WDPCP: variants seen among roughly 807,000 people sequenced by gnomAD.
WDPCP encodes WD repeat containing planar cell polarity effector, also known as WD repeat-containing and planar cell polarity effector protein fritz homolog.
In WDPCP, 71 loss-of-function variants were observed where a neutral mutation model predicts 93.1. The observed-to-expected ratio is 0.76, with a 90% CI of 0.63 to 0.93. The LOEUF (loss-of-function observed/expected upper bound fraction) is 0.93, where lower values mean the gene tolerates loss of function less well. WDPCP is among the 40% of genes least tolerant of loss of function. The pLI, the probability that WDPCP is intolerant of heterozygous loss-of-function variation, is 0.00. For missense variants in WDPCP, 844 were observed against 887.4 expected, an observed-to-expected ratio of 0.95 and a Z score of 0.62; for synonymous variants, 315 against 315.0, an observed-to-expected ratio of 1.00 and a Z score of 0.00.
At chr2:63,811,595 C>CTT (rs34856738) in intron 2 of WDPCP, among the ~76,000 whole-genome samples, 24 of 135,986 alleles carry the variant, frequency 1.8e-4, no homozygotes, top group African/African-American at 5.7e-4. Context: ...CCTGTCCACA[C>CTT]TTTTTTTTTT....
intron 12 of WDPCP, among the ~76,000 whole-genome samples, chr2:63,365,638 AG>A (rs1402503900): frequency 1.3e-5 from 2 of 152,044 alleles, no homozygotes; most frequent in Non-Finnish European, 2.9e-5. Context: ...ATTTTTTGAA[AG>A]CTCCTCGCTA....
chr2:63,806,238 C>T (rs1670760589), intron 2 of WDPCP, among the ~76,000 whole-genome samples: 1 of 152,042 alleles, frequency 6.6e-6, no homozygotes, highest in Admixed American at 6.6e-5. Flanking sequence ...GGACAGAGTA[C>T]AAAAGAGAGA....
chr2:63,358,925 G>C (rs1690228230), intron 12 of WDPCP, among the ~76,000 whole-genome samples: 1 of 152,116 alleles, frequency 6.6e-6, no homozygotes, highest in Admixed American at 6.5e-5. Context: ...TCTAGTCCCT[G>C]ACAAAAGCCC....
At chr2:63,127,616 C>CTAT (rs1670002141) in intron 17 of WDPCP, among the ~76,000 whole-genome samples, 1 of 147,802 alleles carries the variant, frequency 6.8e-6, no homozygotes, top group African/African-American at 2.5e-5. Context: ...TCAAGATGCT[C>CTAT]TATTAATGTA....
At chr2:63,322,667 C>A (rs576862928) in intron 12 of WDPCP, among the ~76,000 whole-genome samples, 1 of 152,186 alleles carries the variant, frequency 6.6e-6, no homozygotes, top group African/African-American at 2.4e-5. Flanking sequence ...AAACTCTGGA[C>A]ACACCATCTT....
At chr2:63,813,451 C>T (rs1260261732) in intron 2 of WDPCP, among the ~76,000 whole-genome samples, 1 of 152,208 alleles carries the variant, frequency 6.6e-6, no homozygotes, top group African/African-American at 2.4e-5. Flanking sequence ...CTGGTCACAA[C>T]CTGACAGCAA....
rs538315034 is a variant in WDPCP, at chr2:63,681,607, A to G, written n.309-30769T>C. 3.9e-5 allele frequency among the ~76,000 whole-genome samples: 6 copies of G among 152,128 alleles called. No individual in the cohort carries two copies. The South Asian group carries it at 1.2e-3, about 32-fold the overall frequency. ...GGTACCTATGGATTTCCCTGGGGCA[A>G]CTCACCACCTTGAAGGGAAGGACAC... On this transcript the variant is annotated intron_variant and non_coding_transcript_variant, in intron 2 of 4. Coordinates refer to the WDPCP transcript ENST00000467687.
intron 13 of WDPCP, among the ~76,000 whole-genome samples, chr2:63,283,496 A>C (rs559683599): frequency 6.6e-6 from 1 of 152,254 alleles, no homozygotes. Context: ...ATTAGAACGT[A>C]GCCATACTTA....
intron 12 of WDPCP, among the ~76,000 whole-genome samples, chr2:63,314,586 C>T (rs1686489228): frequency 6.6e-6 from 1 of 152,066 alleles, no homozygotes; most frequent in Non-Finnish European, 1.5e-5. Context: ...CCCTGCTTTC[C>T]TTAATTTTTT....
intron 14 of WDPCP, among the ~76,000 whole-genome samples, chr2:63,247,557 A>G (rs544050975): frequency 9.8e-4 from 149 of 152,184 alleles, no homozygotes; most frequent in African/African-American, 3.6e-3. Context: ...CATGCACAAA[A>G]TTATCAAAAA....
chr2:63,768,797 A>G (rs1670183245), intron 2 of WDPCP, among the ~76,000 whole-genome samples: 1 of 152,016 alleles, frequency 6.6e-6, no homozygotes, highest in East Asian at 1.9e-4. Flanking sequence ...ACAGGAGAGG[A>G]ATTAGACTCT....
chr2:63,580,729 A>G (rs1159892112), intron 1 of WDPCP, among the ~76,000 whole-genome samples: 1 of 152,234 alleles, frequency 6.6e-6, no homozygotes, highest in African/African-American at 2.4e-5. Flanking sequence ...AAACATTATG[A>G]GACATTACTG....
chr2:63,160,063 G>C (rs1414833154), intron 15 of WDPCP, among the ~76,000 whole-genome samples: 1 of 152,094 alleles, frequency 6.6e-6, no homozygotes, highest in Non-Finnish European at 1.5e-5. Context: ...TAGGTTCAGA[G>C]GCACCTTAAG....
chr2:63,488,687 G>C (rs1187117830), intron 2 of WDPCP, among the ~76,000 whole-genome samples: 2 of 151,652 alleles, frequency 1.3e-5, no homozygotes, highest in Admixed American at 1.3e-4. Context: ...CAATAAAAAG[G>C]CTTTTTTAAA....
At chr2:63,449,545 G>T (rs1042967362) in intron 6 of WDPCP, among the ~76,000 whole-genome samples, 1 of 152,100 alleles carries the variant, frequency 6.6e-6, no homozygotes, top group Non-Finnish European at 1.5e-5. Context: ...ACCCTGAGGG[G>T]CTTGGTAATG....
chr2:63,603,953 A>C (rs923719471), intron 3 of WDPCP, among the ~76,000 whole-genome samples: 6 of 152,218 alleles, frequency 3.9e-5, no homozygotes, highest in Admixed American at 3.3e-4. Context: ...CACCATGCCC[A>C]GCCCAAGACA....
chr2:63,431,739 T>A (rs1227944499), intron 9 of WDPCP, among the ~76,000 whole-genome samples: 3 of 152,078 alleles, frequency 2.0e-5, no homozygotes, highest in Non-Finnish European at 4.4e-5. Flanking sequence ...ACTTTTTGCA[T>A]AATGACTTTC....
chr2:63,437,723 A>G, intron 7 of WDPCP, 169 bp from the exon 8 acceptor site: 1 of 1,050,864 alleles, frequency 9.5e-7, no homozygotes, highest in East Asian at 2.7e-5. Context: ...TTAGGAATAA[A>G]CAATAATTGT....
At chr2:63,518,614 C>A in intron 1 of WDPCP, 1 of 152,758 alleles carries the variant, frequency 6.5e-6, no homozygotes, top group Non-Finnish European at 1.5e-5. Flanking sequence ...CCCCGCAAAG[C>A]TCACCAGGCA....
Sources: allele counts gnomAD v4.1 joint callset (sites outside exome capture counted in the v4.1 genomes callset), GRCh38; gene constraint gnomAD v4.1.1; transcripts MANE v1.5; gene names NCBI Gene and HGNC (gene_info 2026-07-23, HGNC 2026-07-21).